ATF7IP: variants seen among roughly 807,000 people sequenced by gnomAD.
ATF7IP encodes the protein activating transcription factor 7-interacting protein 1.
Under a neutral mutation model 106.4 loss-of-function variants are expected in ATF7IP, and 23 were observed. That is an observed-to-expected ratio of 0.22 (90% CI 0.16 to 0.31). ATF7IP has a LOEUF of 0.31. Among genes scored for constraint, ATF7IP ranks in the 10% least tolerant of loss-of-function variants. ATF7IP has a pLI of 1.00. For missense variants in ATF7IP, 1,334 were observed against 1,524.3 expected (o/e 0.88, Z 2.08); for synonymous variants, 542 against 539.0 (o/e 1.01, Z -0.08).
At chr12:14,471,601 C>G (rs1342148429) in intron 10 of ATF7IP, among the ~76,000 whole-genome samples, 1 of 151,922 alleles carries the variant, frequency 6.6e-6, no homozygotes, top group Non-Finnish European at 1.5e-5. Context: ...CTTGGGAGGC[C>G]TCAGGAAACT....
intron 1 of ATF7IP, among the ~76,000 whole-genome samples, chr12:14,402,144 T>C (rs1363320372): frequency 4.1e-5 from 6 of 146,150 alleles, no homozygotes; most frequent in African/African-American, 1.5e-4. Context: ...TTTTTTTTTT[T>C]TGAGATAGGG....
intron 1 of ATF7IP, among the ~76,000 whole-genome samples, chr12:14,380,247 C>T (rs1185368724): frequency 1.3e-5 from 2 of 152,058 alleles, no homozygotes; most frequent in Non-Finnish European, 1.5e-5. Flanking sequence ...CCTGCATAGT[C>T]TATTGCTTCA....
chr12:14,426,685 G>T (rs1420788823), intron 2 of ATF7IP, among the ~76,000 whole-genome samples: 3 of 151,348 alleles, frequency 2.0e-5, no homozygotes, highest in African/African-American at 7.3e-5. Context: ...AATTAGCCAG[G>T]CGTGGTGGCA....
chr12:14,500,741 G>A lies in ATF7IP; in HGVS notation c.*2668G>A, dbSNP rs993062565. On this transcript the variant is annotated 3_prime_UTR_variant, in exon 15 of 15. Coordinates refer to ENST00000261168, the MANE Select transcript of ATF7IP (RefSeq NM_018179.5). ...TATTTACTAATCTTTTTTAAAAAAA[G>A]CTTTCATAGCATTATATAATCAGAT... 5.9e-5 allele frequency: 9 copies of A among 151,736 alleles called. No homozygotes were observed. Among genetic ancestry groups the A allele is most frequent in the African/African-American group, 2.2e-4 (9 of 41,278 alleles). 9.4% of individuals were successfully genotyped at this position (151,736 alleles called of 1,614,324 possible). A position where few individuals can be genotyped will look rare whatever the true frequency, so the allele number is the denominator to read the frequency against.
intron 2 of ATF7IP, among the ~76,000 whole-genome samples, chr12:14,430,703 A>G (rs1180691310): frequency 6.6e-6 from 1 of 152,184 alleles, no homozygotes; most frequent in Non-Finnish European, 1.5e-5. Context: ...TTTTGTTACA[A>G]ATATTTTCAT....
intron 10 of ATF7IP, among the ~76,000 whole-genome samples, chr12:14,468,670 A>G (rs554453900): frequency 2.6e-5 from 4 of 152,344 alleles, no homozygotes; most frequent in African/African-American, 4.8e-5. Flanking sequence ...TGCTGAAGCA[A>G]TGCCTTATCA....
Position 14,478,346 on chromosome 12 carries a change from T to TCAAC in ATF7IP, c.2974_2977dup (p.Met993AsnfsTer103). 2 of 1,614,040 alleles carry TCAAC rather than the reference T, an allele frequency of 1.2e-6. No homozygotes were observed. Among genetic ancestry groups the TCAAC allele is most frequent in the Non-Finnish European group, 1.7e-6 (2 of 1,179,926 alleles). On this transcript the variant is annotated frameshift_variant, in exon 12 of 15. Transcript: ENST00000261168. LOFTEE classifies it high-confidence loss of function. ...CAAAAAACTAAATCACACTCCTGTATCAACCATGAGTTCTTCTCAGCCTGT... is the reference window on the plus strand; with the variant it reads ...CAAAAAACTAAATCACACTCCTGTATCAACCAACCATGAGTTCTTCTCAGCCTGT...
intron 9 of ATF7IP, among the ~76,000 whole-genome samples, chr12:14,465,610 G>A (rs1185088470): frequency 2.6e-5 from 4 of 151,870 alleles, no homozygotes; most frequent in Non-Finnish European, 5.9e-5. Flanking sequence ...GAAATCAAAG[G>A]GCATTCTTTT....
At chr12:14,420,637 A>G (rs1235125459) in intron 1 of ATF7IP, among the ~76,000 whole-genome samples, 1 of 152,098 alleles carries the variant, frequency 6.6e-6, no homozygotes, top group Non-Finnish European at 1.5e-5. Flanking sequence ...TCAAAAAGAA[A>G]AAAAAAATAA....
chr12:14,502,865 C>T lies in ATF7IP; in HGVS notation c.*4792C>T, dbSNP rs1251056853. The T allele has an allele frequency of 6.6e-6, 1 of 151,898 alleles. No homozygotes were observed. Among genetic ancestry groups the T allele is most frequent in the Non-Finnish European group, 1.5e-5 (1 of 67,956 alleles). The allele number at this position is 151,898 out of a possible 1,614,324, so 9.4% of individuals were successfully genotyped here. On this transcript the variant is annotated 3_prime_UTR_variant, in exon 15 of 15. Transcript: ENST00000261168. ...AGAGTGGTGTCTGTATAAGTGTTAC[C>T]TGTAGTGGGGTTTTGTCCAGCAAGC...
intron 13 of ATF7IP, among the ~76,000 whole-genome samples, chr12:14,493,098 A>G (rs1214218808): frequency 6.6e-6 from 1 of 152,124 alleles, no homozygotes; most frequent in African/African-American, 2.4e-5. Flanking sequence ...CCTTATTTCA[A>G]CTAACCAAGC....
chr12:14,373,571 A>G (rs757712675), intron 1 of ATF7IP, among the ~76,000 whole-genome samples: 4 of 152,230 alleles, frequency 2.6e-5, no homozygotes, highest in Non-Finnish European at 4.4e-5. Flanking sequence ...AGTCTGGGAA[A>G]TATATCTAGC....
rs77897883 is a variant in ATF7IP at position 14,461,546 on chromosome 12, T to C, written c.2797+413T>C. Among the ~76,000 whole-genome samples the C allele has an allele frequency of 5.0e-3, 769 of 152,312 alleles. 7 individuals carry two copies. The highest frequency in any genetic ancestry group is 0.023 in the South Asian group (110 of 4,830). On this transcript the variant is annotated intron_variant, in intron 9 of 14. Coordinates refer to ENST00000261168, the MANE Select transcript of ATF7IP (RefSeq NM_018179.5). ...TTCCTTACCCATTTGGAAAATCCTT[T>C]GTGCACTCACTCATAGCTTCCAAAT...
rs759519927 is a variant in ATF7IP at position 14,478,340 on chromosome 12, C to G, written c.2965C>G (p.Pro989Ala). 3.1e-6 allele frequency: 5 copies of G among 1,613,992 alleles called. No homozygotes were observed. Among genetic ancestry groups the G allele is most frequent in the Admixed American group, 1.7e-5 (1 of 60,012 alleles). The change falls in exon 12 of 15, where the codon CCT (proline) becomes GCT (alanine). Residue 989 changes from proline to alanine, a missense_variant. Around this residue, in one of 10 missense-constraint regions of ATF7IP, gnomAD observed 370 missense variants for 401.2 expected, o/e 0.92. Coordinates refer to ENST00000261168, the MANE Select transcript of ATF7IP (RefSeq NM_018179.5). ...SQDPKKLNHTPVSTMSSSQPV... is the reference protein window; with the variant it reads ...SQDPKKLNHTAVSTMSSSQPV... ...AGACCCCAAAAAACTAAATCACACTCCTGTATCAACCATGAGTTCTTCTCA... is the reference window on the plus strand; with the variant it reads ...AGACCCCAAAAAACTAAATCACACTGCTGTATCAACCATGAGTTCTTCTCA...
intron 1 of ATF7IP, among the ~76,000 whole-genome samples, chr12:14,388,988 A>T (rs990774949): frequency 2.6e-5 from 4 of 152,146 alleles, no homozygotes; most frequent in African/African-American, 9.7e-5. Context: ...AATGGGGGAA[A>T]TTTCCTATCT....
chr12:14,456,289 T>G (rs945457766), intron 6 of ATF7IP, among the ~76,000 whole-genome samples: 5 of 152,176 alleles, frequency 3.3e-5, no homozygotes, highest in African/African-American at 7.2e-5. Flanking sequence ...GTTTTTAATT[T>G]ATTCTTCATA....
At chr12:14,431,534 A>G (rs1942136751) in intron 2 of ATF7IP, among the ~76,000 whole-genome samples, 1 of 151,934 alleles carries the variant, frequency 6.6e-6, no homozygotes, top group South Asian at 2.1e-4. Flanking sequence ...AGCTGGGACT[A>G]CAGGCATGTA....
At chr12:14,387,950 T>C (rs1939329011) in intron 1 of ATF7IP, among the ~76,000 whole-genome samples, 1 of 152,140 alleles carries the variant, frequency 6.6e-6, no homozygotes, top group South Asian at 2.1e-4. Flanking sequence ...TTGAATACTG[T>C]TTTTGCTACC....
intron 1 of ATF7IP, among the ~76,000 whole-genome samples, chr12:14,398,474 GT>G (rs11285054): frequency 0.45 from 62,027 of 139,354 alleles, 13,371 homozygotes; most frequent in Admixed American, 0.53. Context: ...TAGCCTTGTG[GT>G]TTTTTTTTTT....
Sources: allele counts gnomAD v4.1 joint callset (sites outside exome capture counted in the v4.1 genomes callset), GRCh38; gene constraint gnomAD v4.1.1; regional missense constraint gnomAD v4.1.1; transcripts MANE v1.5; gene names NCBI Gene and HGNC (gene_info 2026-07-23, HGNC 2026-07-21).